TF: variants seen among roughly 807,000 people sequenced by gnomAD.
The protein encoded by TF is serotransferrin.
A neutral mutation model predicts 82.4 loss-of-function variants in TF; 55 were observed. The observed-to-expected ratio is 0.67, with a 90% CI of 0.54 to 0.84. The LOEUF is 0.84. TF is among the 40% of genes least tolerant of loss of function. The pLI is 0.00. For missense variants in TF, 737 were observed against 868.4 expected (o/e 0.85, Z 1.90); for synonymous variants, 332 against 332.6 (o/e 1.00, Z 0.02).
chr3:133,783,470 T>C lies in TF; in HGVS notation c.*4850T>C, dbSNP rs1335802854. The C allele has an allele frequency of 6.6e-6, 1 of 152,220 alleles. No individual in the cohort carries two copies. The highest frequency in any genetic ancestry group is 1.5e-5 in the Non-Finnish European group (1 of 68,036). The allele number at this position is 152,220 out of a possible 1,614,324, so 9.4% of individuals were successfully genotyped here. On this transcript the variant is annotated 3_prime_UTR_variant, in exon 17 of 17. Coordinates refer to ENST00000402696, the MANE Select transcript of TF (RefSeq NM_001063.4). ...AAAACTTTCGAAACGTATAAAGGTT[T>C]AAATATAAAATTAAAATCGTAAAAA...
At chr3:133,668,096 C>A in the TF span, among the ~76,000 whole-genome samples, 2 of 152,220 alleles carry the variant, frequency 1.3e-5, no homozygotes, top group African/African-American at 4.8e-5. Flanking sequence ...TCAGGCCCTA[C>A]CCTTGACCTT....
intron 11 of TF, among the ~76,000 whole-genome samples, chr3:133,765,901 C>G (rs1320224523): frequency 2.0e-5 from 3 of 152,198 alleles, no homozygotes; most frequent in African/African-American, 7.2e-5. Flanking sequence ...TCTTTTACTA[C>G]TATATCTCAA....
chr3:133,663,484 G>GAAAAA, the TF span, among the ~76,000 whole-genome samples: 1 of 134,986 alleles, frequency 7.4e-6, no homozygotes, highest in Non-Finnish European at 1.7e-5. Flanking sequence ...ACTAGAGGTG[G>GAAAAA]GAAAAAAAAG....
At chr3:133,762,292 C>A in intron 9 of TF, 1 of 177,284 alleles carries the variant, frequency 5.6e-6, no homozygotes, top group Non-Finnish European at 1.3e-5. Context: ...ACTAACAGAA[C>A]TAACTTGAAA....
At chr3:133,764,098 G>T (rs1441251146) in intron 9 of TF, 84 bp from the exon 10 acceptor site, 6 of 1,191,934 alleles carry the variant, frequency 5.0e-6, no homozygotes, top group South Asian at 4.9e-5. Flanking sequence ...TGCTGGAAAG[G>T]CTGCTTCAAG....
chr3:133,736,630 C>CAAAAAAAAAAAAAA, the TF span, among the ~76,000 whole-genome samples: 1 of 12,564 alleles, frequency 8.0e-5, no homozygotes, highest in Non-Finnish European at 1.3e-4. Context: ...AAATGGAAAG[C>CAAAAAAAAAAAAAA]CAAAAAAAAA....
chr3:133,730,813 C>T, the TF span, among the ~76,000 whole-genome samples: 1 of 152,204 alleles, frequency 6.6e-6, no homozygotes, highest in Non-Finnish European at 1.5e-5. Context: ...AGTGATTCTT[C>T]TGTGACCTCA....
At chr3:133,692,129 C>A in the TF span, among the ~76,000 whole-genome samples, 6 of 152,340 alleles carry the variant, frequency 3.9e-5, no homozygotes, top group African/African-American at 1.4e-4. Context: ...GGGGTCTCAC[C>A]CATGGGAGGC....
At chr3:133,721,807 G>A in the TF span, among the ~76,000 whole-genome samples, 1 of 152,062 alleles carries the variant, frequency 6.6e-6, no homozygotes, top group Non-Finnish European at 1.5e-5. Context: ...ATATCTTCTT[G>A]TTGAATTGAT....
At position 133,778,823 on chromosome 3, in the gene TF, C is replaced by G. The variant is rs1934458411; in HGVS notation, c.*203C>G. 1 of 502,274 alleles carries G rather than the reference C, an allele frequency of 2.0e-6. No individual in the cohort carries two copies. The highest frequency in any genetic ancestry group is 3.3e-5 in the Admixed American group (1 of 30,438). The allele number at this position is 502,274 out of a possible 1,614,324, so 31.1% of individuals were successfully genotyped here. Reference sequence around the variant, plus strand: ...TCCATTCTTTCCTAAATATTTTCAACAAAGGATTTCTTTATGCATTCTGCC... The same window carrying G: ...TCCATTCTTTCCTAAATATTTTCAAGAAAGGATTTCTTTATGCATTCTGCC... On this transcript the variant is annotated 3_prime_UTR_variant, in exon 17 of 17. Coordinates refer to ENST00000402696, the MANE Select transcript of TF (RefSeq NM_001063.4).
At position 133,781,032 on chromosome 3, in the gene TF, T is replaced by C. The variant is rs530106382; in HGVS notation, c.*2412T>C. 1 of 149,378 alleles carries C rather than the reference T, an allele frequency of 6.7e-6. No individual in the cohort carries two copies. The highest frequency in any genetic ancestry group is 2.1e-4 in the South Asian group (1 of 4,678). The allele number at this position is 149,378 out of a possible 1,614,324, so 9.3% of individuals were successfully genotyped here. A position where few individuals can be genotyped will look rare whatever the true frequency, so the allele number is the denominator to read the frequency against. ...GTCTGGAAAATAATAAAAATAATAA[T>C]AATAGGCAGGGCGTGGTGGCTCACA... On this transcript the variant is annotated 3_prime_UTR_variant, in exon 17 of 17. Transcript: ENST00000402696.
chr3:133,748,625 A>T lies in TF; in HGVS notation c.216+41A>T, dbSNP rs559753213. 4.4e-4 allele frequency: 701 copies of T among 1,608,850 alleles called. 5 individuals are homozygous for T. The South Asian group carries it at 7.4e-3, about 17-fold the overall frequency. ...CTAAAAGAGAGTGGAAGAAAGCCAT[A>T]CTTTCTCTGTTTCCAGTCACTTTGG... is the stretch of plus-strand genomic sequence containing the variant. On this transcript the variant is annotated intron_variant, in intron 2 of 16. Transcript: ENST00000402696.
In TF at chr3:133,756,924, T is replaced by G. The variant is rs763344243; in HGVS notation, c.785T>G (p.Leu262Trp). The stretch of plus-strand genomic sequence containing the variant: ...GTAGATGAATACAAGGACTGCCACT[T>G]GGCCCAGGTCCCTTCTCATACCGTC... ...KPVDEYKDCH[L>W]AQVPSHTVVA... Residue 262 changes from leucine (L) to tryptophan (W), a missense_variant, in exon 7 of 17, where the codon TTG becomes TGG. Leu to Trp is a moderately conservative substitution (Grantham distance 61, BLOSUM62 -2). Coordinates refer to ENST00000402696, the MANE Select transcript of TF (RefSeq NM_001063.4). 2.5e-5 allele frequency: 40 copies of G among 1,614,102 alleles called. No individual in the cohort carries two copies. Among genetic ancestry groups the G allele is most frequent in the Non-Finnish European group, 6.8e-6 (8 of 1,180,046 alleles).
At position 133,748,596 on chromosome 3, in the gene TF, C is replaced by T; in HGVS notation, c.216+12C>T. On this transcript the variant is annotated intron_variant, in intron 2 of 16. Transcript: ENST00000402696. ...TCAGGGCCATTGCGGTAAGTCGCTG[C>T]TGCCTAAAAGAGAGTGGAAGAAAGC... 1 of 1,613,978 alleles carries T rather than the reference C, an allele frequency of 6.2e-7. No homozygotes were observed. The highest frequency in any genetic ancestry group is 8.5e-7 in the Non-Finnish European group (1 of 1,179,938).
At position 133,767,937 on chromosome 3, in the gene TF, T is replaced by C. The variant is rs542355242; in HGVS notation, c.1487-92T>C. 1.9e-5 allele frequency: 29 copies of C among 1,494,254 alleles called. No homozygotes were observed. The South Asian group carries it at 3.2e-4, about 16-fold the overall frequency. The allele number at this position is 1,494,254 out of a possible 1,614,324, so 92.6% of individuals were successfully genotyped here. A position where few individuals can be genotyped will look rare whatever the true frequency, so the allele number is the denominator to read the frequency against. On this transcript the variant is annotated intron_variant, in intron 12 of 16. Coordinates refer to ENST00000402696, the MANE Select transcript of TF (RefSeq NM_001063.4). ...CACAGAATTAATGAATATGTTCTACTTATTATGGGCCATGCAGCCCTGTTA... is the reference window on the plus strand; with the variant it reads ...CACAGAATTAATGAATATGTTCTACCTATTATGGGCCATGCAGCCCTGTTA...
rs1203225366 is a variant in TF, at chr3:133,755,372, A to G, written c.512A>G (p.Asn171Ser). 1 of 1,614,108 alleles carries G rather than the reference A, an allele frequency of 6.2e-7. No individual in the cohort carries two copies. The highest frequency in any genetic ancestry group is 1.3e-5 in the African/African-American group (1 of 75,004). The change falls in exon 5 of 17, where the codon AAT becomes AGT. Residue 171 changes from asparagine to serine, a missense_variant. Coordinates refer to ENST00000402696, the MANE Select transcript of TF (RefSeq NM_001063.4). ...TCTCTGTGCTGAGCAGCAGTGGCCA[A>G]TTTCTTCTCGGGCAGCTGTGCCCCT... ...PRKPLEKAVA[N>S]FFSGSCAPCA...
At position 133,748,474 on chromosome 3, in the gene TF, A is replaced by G. The variant is rs1933567721; in HGVS notation, c.106A>G (p.Thr36Ala). The G allele has an allele frequency of 6.2e-7, 1 of 1,614,140 alleles. No homozygotes were observed. The highest frequency in any genetic ancestry group is 2.2e-5 in the East Asian group (1 of 44,842). The stretch of plus-strand genomic sequence containing the variant: ...GTGTGCAGTGTCGGAGCATGAGGCC[A>G]CTAAGTGCCAGAGTTTCCGCGACCA... ...RWCAVSEHEA[T>A]KCQSFRDHMK... The change falls in exon 2 of 17, where the codon ACT becomes GCT. Residue 36 changes from threonine to alanine, a missense_variant. Transcript: ENST00000402696.
the TF span, among the ~76,000 whole-genome samples, chr3:133,672,070 GGATAA>G: frequency 2.0e-5 from 3 of 152,020 alleles, no homozygotes; most frequent in African/African-American, 7.2e-5. Flanking sequence ...AAATGTCAAA[GGATAA>G]GATCATGAAT....
chr3:133,766,400 C>G lies in TF; in HGVS notation c.1453C>G (p.Leu485Val). ...RTAGWNIPMGLLYNKINHCRF... is the reference protein window; with the variant it reads ...RTAGWNIPMGVLYNKINHCRF... ...CGCTGGCTGGAACATCCCCATGGGC[C>G]TGCTCTACAATAAGATCAACCACTG... The change falls in exon 12 of 17, where the codon CTG (leucine) becomes GTG (valine). Residue 485 changes from leucine to valine, a missense_variant. Leu to Val is a conservative substitution (Grantham distance 32, BLOSUM62 1). Transcript: ENST00000402696. The G allele has an allele frequency of 6.2e-7, 1 of 1,614,192 alleles. No homozygotes were observed. Among genetic ancestry groups the G allele is most frequent in the Non-Finnish European group, 8.5e-7 (1 of 1,180,022 alleles).
Sources: gnomAD v4.1 joint callset for allele counts (sites outside exome capture counted in the v4.1 genomes callset) on GRCh38, gnomAD v4.1.1 for gene constraint, MANE v1.5 for transcripts, NCBI Gene and HGNC (gene_info 2026-07-23, HGNC 2026-07-21) for gene names.